The following CRPPA variants were observed in gnomAD, a reference collection of about 807,000 sequenced individuals.
CRPPA encodes the protein CDP-L-ribitol pyrophosphorylase A, also known as D-ribitol-5-phosphate cytidylyltransferase.
A neutral mutation model predicts 52.0 loss-of-function variants in CRPPA; 43 were observed. The observed-to-expected ratio is 0.83, with a 90% CI of 0.65 to 1.07. CRPPA has a LOEUF of 1.07. Ranked by LOEUF, CRPPA falls within the 50% of genes least tolerant of loss-of-function variation. The pLI, the probability that CRPPA is intolerant of heterozygous loss-of-function variation, is 0.00. For synonymous variants in CRPPA, 250 were observed against 203.5 expected (o/e 1.23, Z -1.94); for missense variants, 629 against 551.7 (o/e 1.14, Z -1.40).
At chr7:16,326,303 G>A (rs895208713) in intron 3 of CRPPA, among the ~76,000 whole-genome samples, 6 of 152,058 alleles carry the variant, frequency 3.9e-5, no homozygotes, top group Admixed American at 3.9e-4. Flanking sequence ...CAAAGACAGG[G>A]GAAAAAATAA....
chr7:16,153,283 G>A (rs184451087), intron 9 of CRPPA, among the ~76,000 whole-genome samples: 24 of 152,002 alleles, frequency 1.6e-4, no homozygotes, highest in African/African-American at 4.1e-4. Flanking sequence ...CATAAATCAA[G>A]GGTCAACAAA....
At chr7:16,227,311 T>C (rs1268345827) in intron 8 of CRPPA, among the ~76,000 whole-genome samples, 7 of 152,006 alleles carry the variant, frequency 4.6e-5, no homozygotes, top group African/African-American at 9.6e-5. Context: ...GGAATCTCCA[T>C]ACTGCTTTCT....
intron 9 of CRPPA, among the ~76,000 whole-genome samples, chr7:16,104,500 T>C (rs748856406): frequency 6.6e-6 from 1 of 152,176 alleles, no homozygotes; most frequent in Non-Finnish European, 1.5e-5. Context: ...TGATTTTCAG[T>C]CTCAGGAAGA....
intron 8 of CRPPA, among the ~76,000 whole-genome samples, chr7:16,221,960 G>T (rs186438709): frequency 3.6e-4 from 54 of 152,074 alleles, no homozygotes; most frequent in Non-Finnish European, 4.3e-4. Flanking sequence ...ATACCCAAAG[G>T]ACTATAAATC....
rs1456943053 is a variant in CRPPA, at chr7:16,362,765, T to C, written c.684+13327A>G. 3.3e-5 allele frequency among the ~76,000 whole-genome samples: 5 copies of C among 152,194 alleles called. No individual in the cohort carries two copies. The East Asian group carries it at 9.6e-4, about 29-fold the overall frequency. On this transcript the variant is annotated intron_variant, in intron 3 of 9. Transcript: ENST00000407010. ...AATTAGCAGCTTAGAATATACTTAC[T>C]AAAATCTAAGAAAGATTTAAAGAAT...
rs531660938 is a variant in CRPPA at position 16,243,455 on chromosome 7, G to A, written c.1119+14935C>T. On this transcript the variant is annotated intron_variant, in intron 8 of 9. Coordinates refer to ENST00000407010, the MANE Select transcript of CRPPA (RefSeq NM_001101426.4). The stretch of plus-strand genomic sequence containing the variant: ...TAAAGTTACATCTAGCAAAACATAA[G>A]TATTTTATTAAGTTGGTCAAAGTAA... 3.9e-5 allele frequency among the ~76,000 whole-genome samples: 6 copies of A among 152,254 alleles called. No individual in the cohort carries two copies. In the East Asian group the frequency reaches 1.2e-3, roughly 29 times the overall value.
At chr7:16,417,959 G>A (rs10272029) in intron 1 of CRPPA, among the ~76,000 whole-genome samples, 74,692 of 152,066 alleles carry the variant, frequency 0.49, 19,932 homozygotes, top group African/African-American at 0.7. Flanking sequence ...AAAAGCATGC[G>A]TAATTTCTCA....
At chr7:16,144,822 G>T (rs565582867) in intron 9 of CRPPA, among the ~76,000 whole-genome samples, 1 of 152,186 alleles carries the variant, frequency 6.6e-6, no homozygotes, top group Non-Finnish European at 1.5e-5. Context: ...ACAGTGCAGA[G>T]CTAAGCAGTG....
intron 9 of CRPPA, among the ~76,000 whole-genome samples, chr7:16,169,036 T>C (rs993544972): frequency 2.0e-5 from 3 of 152,192 alleles, no homozygotes; most frequent in African/African-American, 7.2e-5. Context: ...GTAAGATTTT[T>C]AGGAAACTGA....
At chr7:16,340,531 A>G (rs189976205) in intron 3 of CRPPA, among the ~76,000 whole-genome samples, 71 of 152,004 alleles carry the variant, frequency 4.7e-4, no homozygotes, top group East Asian at 1.7e-3. Context: ...AAACAATAAG[A>G]TAATAGTTCA....
At position 16,421,323 on chromosome 7, in the gene CRPPA, G is replaced by C; in HGVS notation, c.-1C>G. 8.0e-7 allele frequency: 1 copy of C among 1,248,978 alleles called. No individual in the cohort carries two copies. Among genetic ancestry groups the C allele is most frequent in the Non-Finnish European group, 1.0e-6 (1 of 993,546 alleles). The allele number at this position is 1,248,978 out of a possible 1,614,324, so 77.4% of individuals were successfully genotyped here. A position where few individuals can be genotyped will look rare whatever the true frequency, so the allele number is the denominator to read the frequency against. On this transcript the variant is annotated 5_prime_UTR_variant, in exon 1 of 10. Coordinates refer to ENST00000407010, the MANE Select transcript of CRPPA (RefSeq NM_001101426.4). ...CGCTGCCCGGCGGCCCGGCCTCCAT[G>C]GCTGCGGGCGGAACGGCGAGCCCCG... is the stretch of plus-strand genomic sequence containing the variant.
intron 9 of CRPPA, among the ~76,000 whole-genome samples, chr7:16,183,801 G>A (rs1781455413): frequency 1.3e-5 from 2 of 152,074 alleles, no homozygotes; most frequent in Admixed American, 6.6e-5. Flanking sequence ...AAGCCAATAA[G>A]GTTAGGTTTG....
intron 3 of CRPPA, among the ~76,000 whole-genome samples, chr7:16,338,817 T>C (rs1166355880): frequency 1.4e-5 from 2 of 146,316 alleles, no homozygotes; most frequent in Admixed American, 6.8e-5. Flanking sequence ...AGCAAACTTT[T>C]TTTTTTTTTT....
chr7:16,377,227 G>C (rs1018863498), intron 2 of CRPPA, among the ~76,000 whole-genome samples: 3 of 152,124 alleles, frequency 2.0e-5, no homozygotes, highest in Non-Finnish European at 4.4e-5. Context: ...ACCTTCCAGT[G>C]CCTCAAGCAG....
chr7:16,227,285 T>C (rs1782676595), intron 8 of CRPPA, among the ~76,000 whole-genome samples: 1 of 151,900 alleles, frequency 6.6e-6, no homozygotes, highest in Non-Finnish European at 1.5e-5. Flanking sequence ...ACATTAGTTC[T>C]ATTTTTAATT....
intron 9 of CRPPA, among the ~76,000 whole-genome samples, chr7:16,099,083 T>C (rs1263197102): frequency 6.6e-6 from 1 of 151,704 alleles, no homozygotes; most frequent in African/African-American, 2.4e-5. Context: ...TGGAAAGAGA[T>C]AATTAAGAAA....
chr7:16,248,314 G>C (rs1004507152), intron 8 of CRPPA, among the ~76,000 whole-genome samples: 1 of 152,104 alleles, frequency 6.6e-6, no homozygotes, highest in African/African-American at 2.4e-5. Context: ...AATCCAGCCT[G>C]GGCAAAAGAG....
chr7:16,361,247 G>A (rs891478164), intron 3 of CRPPA, among the ~76,000 whole-genome samples: 2 of 152,020 alleles, frequency 1.3e-5, no homozygotes, highest in East Asian at 3.9e-4. Context: ...TTGGAAACCC[G>A]TGTGAACTAC....
intron 1 of CRPPA, among the ~76,000 whole-genome samples, chr7:16,415,537 C>T (rs929425247): frequency 3.3e-5 from 5 of 152,126 alleles, no homozygotes; most frequent in Admixed American, 2.0e-4. Context: ...TTTCATTGTT[C>T]TACCCCACCT....
Sources: allele counts gnomAD v4.1 joint callset (sites outside exome capture counted in the v4.1 genomes callset), GRCh38; gene constraint gnomAD v4.1.1; transcripts MANE v1.5; gene names NCBI Gene and HGNC (gene_info 2026-07-23, HGNC 2026-07-21).